Variants in DMD observed in about 807,000 individuals in gnomAD.
DMD encodes the protein dystrophin, also known as mutant dystrophin.
DMD carries 63 observed loss-of-function variants against 330.1 expected under a neutral mutation model. The observed-to-expected ratio is 0.19, with a 90% CI of 0.16 to 0.24. The LOEUF (loss-of-function observed/expected upper bound fraction) is 0.24, where lower values mean the gene tolerates loss of function less well. Among genes scored for constraint, DMD ranks in the 10% least tolerant of loss-of-function variants. The probability of loss-of-function intolerance (pLI) is 1.00; values close to 1 mark genes in which losing one functional copy is unlikely to be tolerated. For synonymous variants in DMD, 1,223 were observed against 959.8 expected (o/e 1.27, Z -5.07); for missense variants, 3,344 against 2,684.1 (o/e 1.25, Z -5.43).
chrX:31,868,368 A>G (rs1480742639), intron 48 of DMD, among the ~76,000 whole-genome samples: 1 of 112,478 alleles, frequency 8.9e-6, no homozygotes, highest in East Asian at 2.8e-4. Flanking sequence ...AACAGAATGA[A>G]ACATTAATCT....
intron 59 of DMD, among the ~76,000 whole-genome samples, chrX:31,456,524 T>C (rs758080508): frequency 1.8e-5 from 2 of 111,789 alleles, no homozygotes; most frequent in Non-Finnish European, 3.8e-5. Flanking sequence ...AGAGGAAGCA[T>C]AGTGTGGGGA....
chrX:33,122,028 C>A (rs2148490560), intron 1 of DMD, among the ~76,000 whole-genome samples: 1 of 111,796 alleles, frequency 8.9e-6, no homozygotes, highest in South Asian at 3.7e-4. Flanking sequence ...GAGTTCGAGA[C>A]CAGCCTGGCC....
At chrX:32,895,094 T>C (rs980533757) in intron 2 of DMD, among the ~76,000 whole-genome samples, 1 of 111,969 alleles carries the variant, frequency 8.9e-6, no homozygotes, top group Non-Finnish European at 1.9e-5. Flanking sequence ...TGGTGTTTTC[T>C]TTACACGGGC....
intron 7 of DMD, among the ~76,000 whole-genome samples, chrX:32,712,295 TGCCTAACAGTCCATA>T (rs896291227): frequency 2.7e-5 from 3 of 111,454 alleles, no homozygotes; most frequent in African/African-American, 9.8e-5. Context: ...GAGATATATC[TGCCTAACAGTCCATA>T]GCATGAAAAA....
chrX:31,558,757 T>C (rs1380368181), intron 55 of DMD, among the ~76,000 whole-genome samples: 1 of 111,233 alleles, frequency 9.0e-6, no homozygotes, highest in Non-Finnish European at 1.9e-5. Flanking sequence ...ATCTTTCACT[T>C]TGTTGCTTCT....
At chrX:33,074,414 TA>T (rs199775823) in intron 1 of DMD, among the ~76,000 whole-genome samples, 3 of 81,639 alleles carry the variant, frequency 3.7e-5, no homozygotes, top group Admixed American at 1.5e-4. Flanking sequence ...TTTAACACTA[TA>T]TTTTTTTTTT....
intron 60 of DMD, among the ~76,000 whole-genome samples, chrX:31,366,781 T>C (rs1443770216): frequency 1.8e-5 from 2 of 109,816 alleles, no homozygotes; most frequent in African/African-American, 6.7e-5. Context: ...CAATGTCCTT[T>C]TGTATCTTTT....
intron 2 of DMD, among the ~76,000 whole-genome samples, chrX:33,007,762 G>A (rs1190794964): frequency 9.0e-6 from 1 of 111,282 alleles, no homozygotes; most frequent in Non-Finnish European, 1.9e-5. Flanking sequence ...TTCTGTCAAA[G>A]CATGTTTCCT....
intron 30 of DMD, among the ~76,000 whole-genome samples, chrX:32,400,287 C>A (rs1483172016): frequency 4.5e-5 from 5 of 111,540 alleles, no homozygotes; most frequent in African/African-American, 6.5e-5. Flanking sequence ...TTGAACCAGC[C>A]TTGCATCCCA....
intron 15 of DMD, among the ~76,000 whole-genome samples, chrX:32,568,213 C>T (rs2051971710): frequency 8.9e-6 from 1 of 111,908 alleles, no homozygotes; most frequent in African/African-American, 3.2e-5. Flanking sequence ...AAGTGAAAGT[C>T]ACCATTAAAA....
intron 13 of DMD, 104 bp from the exon 14 acceptor site, chrX:32,573,950 C>G: frequency 1.6e-6 from 1 of 626,310 alleles, no homozygotes; most frequent in Non-Finnish European, 2.6e-6. Flanking sequence ...CTCCTATGTA[C>G]GCTAGAAGTT....
chrX:32,416,178 G>A (rs952002506), intron 29 of DMD, among the ~76,000 whole-genome samples: 6 of 111,142 alleles, frequency 5.4e-5, no homozygotes, highest in Non-Finnish European at 7.6e-5. Flanking sequence ...AGCCAAATTA[G>A]AAAAAAAATC....
At chrX:32,516,472 G>C (rs1008297472) in intron 18 of DMD, 1 of 111,283 alleles carries the variant, frequency 9.0e-6, no homozygotes, top group Non-Finnish European at 1.9e-5. Context: ...AATGCAAATC[G>C]TTCATAGGTA....
chrX:31,563,691 T>C lies in DMD; in HGVS notation c.8218-56238A>G, dbSNP rs1457542183. 6.2e-5 allele frequency among the ~76,000 whole-genome samples: 7 copies of C among 112,090 alleles called. No homozygotes were observed. The Admixed American group carries it at 6.6e-4, about 11-fold the overall frequency. ...TGATAAGCCTAAAATACTATAAATC[T>C]ATTCTATGAAACAGACACCAATATT... On this transcript the variant is annotated intron_variant, in intron 55 of 78. Coordinates refer to ENST00000357033, the MANE Select transcript of DMD (RefSeq NM_004006.3).
chrX:32,538,864 G>C (rs892364146), intron 17 of DMD, among the ~76,000 whole-genome samples: 1 of 110,662 alleles, frequency 9.0e-6, no homozygotes, highest in Non-Finnish European at 1.9e-5. Flanking sequence ...AAGTATCACC[G>C]AGAGTGCTTG....
At chrX:31,683,351 G>C (rs990046544) in intron 52 of DMD, among the ~76,000 whole-genome samples, 3 of 112,063 alleles carry the variant, frequency 2.7e-5, no homozygotes, top group African/African-American at 9.8e-5. Flanking sequence ...TTAGGTGCCT[G>C]TTAGATAGTG....
At chrX:31,991,257 G>T (rs925585517) in intron 44 of DMD, among the ~76,000 whole-genome samples, 2 of 111,593 alleles carry the variant, frequency 1.8e-5, no homozygotes, top group African/African-American at 6.5e-5. Context: ...TATTTTTATG[G>T]CTGATCACAG....
intron 43 of DMD, among the ~76,000 whole-genome samples, chrX:32,252,929 AAT>A (rs1416762948): frequency 4.7e-5 from 4 of 84,639 alleles, no homozygotes; most frequent in East Asian, 6.8e-4. Context: ...TAGATATATA[AAT>A]ATATATATAC....
At chrX:32,145,792 C>A (rs1409817744) in intron 44 of DMD, among the ~76,000 whole-genome samples, 1 of 111,685 alleles carries the variant, frequency 9.0e-6, no homozygotes, top group East Asian at 2.8e-4. Context: ...TTGAAAATCA[C>A]AAATTGAAAT....
Sources: allele counts gnomAD v4.1 joint callset (sites outside exome capture counted in the v4.1 genomes callset), GRCh38; gene constraint gnomAD v4.1.1; transcripts MANE v1.5; gene names NCBI Gene and HGNC (gene_info 2026-07-23, HGNC 2026-07-21).